The following PARP2 variants were observed in gnomAD, a reference collection of about 807,000 sequenced individuals.
PARP2 encodes the protein poly(ADP-ribose) polymerase 2.
A neutral mutation model predicts 77.8 loss-of-function variants in PARP2; 57 were observed. The observed-to-expected ratio is 0.73, with a 90% confidence interval of 0.59 to 0.91. The LOEUF (loss-of-function observed/expected upper bound fraction) is 0.91, where lower values mean the gene tolerates loss of function less well. PARP2 is among the 40% of genes least tolerant of loss of function. The pLI, the probability that PARP2 is intolerant of heterozygous loss-of-function variation, is 0.00. For synonymous variants in PARP2, 226 were observed against 242.6 expected, an observed-to-expected ratio of 0.93 and a Z score of 0.64; for missense variants, 651 against 689.0, an observed-to-expected ratio of 0.94 and a Z score of 0.62.
intron 6 of PARP2, among the ~76,000 whole-genome samples, chr14:20,351,709 T>C (rs1883960621): frequency 6.6e-6 from 1 of 150,716 alleles, no homozygotes; most frequent in African/African-American, 2.5e-5. Flanking sequence ...GTGGAGACTA[T>C]CCTGGGATAG....
rs556189951 is a variant in PARP2 at position 20,357,529 on chromosome 14, T to G, written c.1553+9T>G. 1.2e-6 allele frequency: 2 copies of G among 1,607,386 alleles called. No individual in the cohort carries two copies. Among genetic ancestry groups the G allele is most frequent in the Admixed American group, 3.4e-5 (2 of 58,238 alleles). ...GCCCACTTCGTCACCCTGTAAGTAC[T>G]CAGAACCAGGAGGACTAGAAGACTC... On this transcript the variant is annotated intron_variant, in intron 15 of 15. Coordinates refer to ENST00000429687, the MANE Select transcript of PARP2 (RefSeq NM_001042618.2).
chr14:20,345,500 T>G, intron 3 of PARP2, 36 bp downstream of exon 3: 2 of 1,486,314 alleles, frequency 1.3e-6, no homozygotes, highest in Non-Finnish European at 1.9e-6. Flanking sequence ...AGTCCATGGA[T>G]ATCTCAGAGA....
intron 4 of PARP2, among the ~76,000 whole-genome samples, chr14:20,347,133 A>G (rs888042478): frequency 2.7e-5 from 4 of 149,896 alleles, no homozygotes; most frequent in African/African-American, 7.4e-5. Context: ...GGTTCAAGCA[A>G]TTCTCCTGCC....
chr14:20,351,941 G>A (rs1291881102), intron 6 of PARP2, among the ~76,000 whole-genome samples: 1 of 152,198 alleles, frequency 6.6e-6, no homozygotes, highest in Non-Finnish European at 1.5e-5. Context: ...GAGAATTGGA[G>A]AACATGTTTC....
At chr14:20,351,314 G>A (rs1228315475) in intron 6 of PARP2, among the ~76,000 whole-genome samples, 192 bp downstream of exon 6, 1 of 151,896 alleles carries the variant, frequency 6.6e-6, no homozygotes, top group Non-Finnish European at 1.5e-5. Flanking sequence ...TAGTAGCTGG[G>A]ATTACAGGCG....
chr14:20,348,319 C>T (rs138862027), intron 4 of PARP2, among the ~76,000 whole-genome samples: 112 of 151,920 alleles, frequency 7.4e-4, no homozygotes, highest in African/African-American at 2.6e-3. Context: ...CCTTATAGTA[C>T]ACTTTTTGCC....
intron 7 of PARP2, among the ~76,000 whole-genome samples, chr14:20,353,254 T>C (rs910788888): frequency 6.6e-6 from 1 of 152,038 alleles, no homozygotes; most frequent in African/African-American, 2.4e-5. Flanking sequence ...GTTTTTGTTT[T>C]TTTTTGATAC....
At chr14:20,348,888 A>G (rs1336636397) in intron 4 of PARP2, among the ~76,000 whole-genome samples, 4 of 151,964 alleles carry the variant, frequency 2.6e-5, no homozygotes, top group Non-Finnish European at 4.4e-5. Context: ...GTGTGGTGGC[A>G]TATGACTGTA....
At position 20,346,921 on chromosome 14, in the gene PARP2, G is replaced by A. The variant is rs756067419; in HGVS notation, c.324+8G>A. 1.3e-6 allele frequency: 2 copies of A among 1,574,716 alleles called. No homozygotes were observed. Among genetic ancestry groups the A allele is most frequent in the South Asian group, 2.2e-5 (2 of 90,148 alleles). ...GATGTCATGCTAAATCAGGTAAGAG[G>A]CAAGAAGAGGTGGCACCATTATATT... On this transcript the variant is annotated splice_region_variant and intron_variant, in intron 4 of 15. Coordinates refer to ENST00000429687, the MANE Select transcript of PARP2 (RefSeq NM_001042618.2).
intron 1 of PARP2, chr14:20,344,264 T>C (rs1883624393): frequency 6.5e-6 from 1 of 152,972 alleles, no homozygotes; most frequent in Non-Finnish European, 1.5e-5. Context: ...AGAGCTAGGC[T>C]CTAAATTAGG....
chr14:20,346,935 C>T (rs1414972984), intron 4 of PARP2, 22 bp downstream of exon 4: 2 of 1,517,344 alleles, frequency 1.3e-6, no homozygotes, highest in Non-Finnish European at 1.8e-6. Flanking sequence ...GAAGAGGTGG[C>T]ACCATTATAT....
chr14:20,346,982 C>A, intron 4 of PARP2, 69 bp downstream of exon 4: 2 of 979,206 alleles, frequency 2.0e-6, no homozygotes, highest in Non-Finnish European at 1.6e-6. Context: ...TTGATGATAG[C>A]ATCACAGTGT....
Position 20,357,783 on chromosome 14 carries a change from C to T in PARP2, c.1699C>T (p.Leu567Phe), listed in dbSNP as rs1159577029. The T allele has an allele frequency of 6.2e-7, 1 of 1,613,220 alleles. No homozygotes were observed. Residue 567 changes from leucine (L) to phenylalanine (F), a missense_variant, in exon 16 of 16, where the codon CTT (leucine) becomes TTT (phenylalanine). Coordinates refer to ENST00000429687, the MANE Select transcript of PARP2 (RefSeq NM_001042618.2). ...RYLLKVQFNFLQLW is the reference protein window; with the variant it reads ...RYLLKVQFNFFQLW ...CCTTTTAAAGGTTCAGTTTAATTTC[C>T]TTCAGCTGTGGTGAATGTTGATATT...
chr14:20,350,046 T>C (rs192560718), intron 4 of PARP2, among the ~76,000 whole-genome samples: 218 of 152,338 alleles, frequency 1.4e-3, no homozygotes, highest in African/African-American at 5.1e-3. Context: ...TCTCAGCTCA[T>C]TGTCAAATTT....
At chr14:20,352,701 C>T (rs1461277496) in intron 7 of PARP2, 1 of 187,444 alleles carries the variant, frequency 5.3e-6, no homozygotes, top group East Asian at 1.5e-4. Context: ...TTTCTTCTTA[C>T]TCAGGGTAAA....
At chr14:20,351,987 T>G (rs1883971349) in intron 6 of PARP2, among the ~76,000 whole-genome samples, 1 of 152,250 alleles carries the variant, frequency 6.6e-6, no homozygotes, top group African/African-American at 2.4e-5. Context: ...ATCTTTTGTT[T>G]GAAATCTCAA....
chr14:20,352,240 T>TA lies in PARP2; in HGVS notation c.498-4dup, dbSNP rs1883980056. ...TAAAGTTTTCTTACACCTTGGACTC[T>TA]ACAGATTCCTTGACAAAACGAAAAA... On this transcript the variant is annotated splice_region_variant and splice_polypyrimidine_tract_variant and intron_variant, in intron 6 of 15. Coordinates refer to ENST00000429687, the MANE Select transcript of PARP2 (RefSeq NM_001042618.2). 4 of 1,577,636 alleles carry TA rather than the reference T, an allele frequency of 2.5e-6. No individual in the cohort carries two copies. In the African/African-American group the frequency reaches 4.0e-5, roughly 16 times the overall value.
At chr14:20,347,360 A>G (rs867301886) in intron 4 of PARP2, among the ~76,000 whole-genome samples, 982 of 8,090 alleles carry the variant, frequency 0.12, 11 homozygotes, top group Middle Eastern at 0.2. Flanking sequence ...GTGTGTGTAT[A>G]TATATATATA....
intron 6 of PARP2, among the ~76,000 whole-genome samples, chr14:20,351,324 G>A (rs1240702761): frequency 2.0e-5 from 3 of 151,714 alleles, no homozygotes; most frequent in Non-Finnish European, 1.5e-5. Context: ...GATTACAGGC[G>A]CCCACCACCA....
Sources: gnomAD v4.1 joint callset for allele counts (sites outside exome capture counted in the v4.1 genomes callset) on GRCh38, gnomAD v4.1.1 for gene constraint, MANE v1.5 for transcripts, NCBI Gene and HGNC (gene_info 2026-07-23, HGNC 2026-07-21) for gene names.